CUL4A: variants seen among roughly 807,000 people sequenced by gnomAD.
CUL4A encodes cullin-4A.
A neutral mutation model predicts 95.5 loss-of-function variants in CUL4A; 16 were observed. The observed-to-expected ratio is 0.17, with a 90% CI of 0.11 to 0.25. CUL4A has a LOEUF of 0.25. Ranked by LOEUF, CUL4A falls within the 10% of genes least tolerant of loss-of-function variation. The pLI is 1.00. For synonymous variants in CUL4A, 380 were observed against 353.1 expected, an observed-to-expected ratio of 1.08 and a Z score of -0.85; for missense variants, 610 against 937.0, an observed-to-expected ratio of 0.65 and a Z score of 4.56.
chr13:113,257,428 C>T (rs937350173), intron 18 of CUL4A, among the ~76,000 whole-genome samples: 7 of 152,188 alleles, frequency 4.6e-5, no homozygotes, highest in East Asian at 1.9e-4. Flanking sequence ...AATTGGCTCA[C>T]GGTTCTGCAG....
At chr13:113,238,766 A>G (rs551175868) in intron 9 of CUL4A, among the ~76,000 whole-genome samples, 4 of 152,352 alleles carry the variant, frequency 2.6e-5, no homozygotes, top group Non-Finnish European at 5.9e-5. Flanking sequence ...TTGTGTGAAC[A>G]TCGTGCCCAG....
intron 11 of CUL4A, 93 bp downstream of exon 11, chr13:113,243,253 T>A: frequency 3.3e-6 from 4 of 1,220,626 alleles, no homozygotes; most frequent in Non-Finnish European, 4.6e-6. Context: ...TAAGGCAAAA[T>A]CAACCAAAAT....
At chr13:113,245,299 T>A in intron 14 of CUL4A, 62 bp downstream of exon 14, 1 of 1,431,686 alleles carries the variant, frequency 7.0e-7, no homozygotes, top group Admixed American at 1.7e-5. Context: ...TGGTGGCTCA[T>A]GCCTGTAATC....
chr13:113,228,934 C>T (rs2041207529), intron 4 of CUL4A, among the ~76,000 whole-genome samples: 1 of 151,170 alleles, frequency 6.6e-6, no homozygotes. Flanking sequence ...TCCTGGCTAA[C>T]ACGGTGAAAC....
chr13:113,257,968 C>A (rs371749505), intron 18 of CUL4A, among the ~76,000 whole-genome samples: 12 of 151,986 alleles, frequency 7.9e-5, no homozygotes, highest in African/African-American at 2.9e-4. Flanking sequence ...TTTCTCAATT[C>A]TCTTCTATAA....
chr13:113,259,150 T>C lies in CUL4A; in HGVS notation c.2032-1457T>C, dbSNP rs200716463. Among the ~76,000 whole-genome samples, 5 of 152,244 alleles carry C rather than the reference T, an allele frequency of 3.3e-5. No individual in the cohort carries two copies. In the East Asian group the frequency reaches 9.6e-4, roughly 29 times the overall value. ...TGTTGATTTTCTTGGATTTTCCAGC[T>C]CATCTACAAATAATGATCGTTTTGT... On this transcript the variant is annotated intron_variant, in intron 18 of 19. Transcript: ENST00000375440.
Position 113,254,741 on chromosome 13 carries a change from A to C in CUL4A, c.1801A>C (p.Met601Leu), listed in dbSNP as rs764526695. The C allele has an allele frequency of 4.3e-6, 7 of 1,613,176 alleles. No individual in the cohort carries two copies. The highest frequency in any genetic ancestry group is 5.1e-6 in the Non-Finnish European group (6 of 1,179,830). The change falls in exon 17 of 20, where the codon ATG (methionine) becomes CTG (leucine). Residue 601 changes from methionine (M) to leucine (L), a missense_variant. Physicochemically the swap from Met to Leu is conservative, Grantham distance 15 (BLOSUM62 2). Coordinates refer to ENST00000375440, the MANE Select transcript of CUL4A (RefSeq NM_001008895.4). ...CCTCTTCCAGACACTGGTGCTCCTC[A>C]TGTTCAACGAGGGAGATGGCTTCAG... ...VSLFQTLVLL[M>L]FNEGDGFSFE...
chr13:113,254,686 C>G lies in CUL4A; in HGVS notation c.1753-7C>G. 1 of 1,592,112 alleles carries G rather than the reference C, an allele frequency of 6.3e-7. No individual in the cohort carries two copies. Among genetic ancestry groups the G allele is most frequent in the Non-Finnish European group, 8.6e-7 (1 of 1,164,366 alleles). Reference sequence around the variant, plus strand: ...CTTCAGAGGTGTGATGAGGCCTTCTCTTCCAGGGGAAGAAGGAATTCCAGG... The same window carrying G: ...CTTCAGAGGTGTGATGAGGCCTTCTGTTCCAGGGGAAGAAGGAATTCCAGG... On this transcript the variant is annotated splice_polypyrimidine_tract_variant and splice_region_variant and intron_variant, in intron 16 of 19. Transcript: ENST00000375440.
chr13:113,249,253 T>C (rs2041931720), intron 15 of CUL4A, among the ~76,000 whole-genome samples: 1 of 152,008 alleles, frequency 6.6e-6, no homozygotes, highest in Non-Finnish European at 1.5e-5. Context: ...TGCTGTACCA[T>C]ACATGAGCGC....
In CUL4A at chr13:113,209,760, A is replaced by G; in HGVS notation, c.133A>G (p.Ile45Val). The change falls in exon 1 of 20, where the codon ATC becomes GTC. Residue 45 changes from isoleucine (I) to valine (V), a missense_variant. By Grantham distance (29) the Ile-to-Val change is conservative. Transcript: ENST00000375440. ...CGCGGGCGGCTCCAAGAAGCTGGTC[A>G]TCAAGAACTTCCGAGGTGGGTGCGG... Reference protein sequence around the residue: ...GGAGGSKKLVIKNFRDRPRLP... With the variant: ...GGAGGSKKLVVKNFRDRPRLP... 1 of 1,176,300 alleles carries G rather than the reference A, an allele frequency of 8.5e-7. No individual in the cohort carries two copies. 72.9% of individuals were successfully genotyped at this position (1,176,300 alleles called of 1,614,324 possible).
At chr13:113,258,111 G>A (rs1033522838) in intron 18 of CUL4A, among the ~76,000 whole-genome samples, 3 of 151,822 alleles carry the variant, frequency 2.0e-5, no homozygotes, top group African/African-American at 4.8e-5. Flanking sequence ...GGGCTCAAGC[G>A]ATCCTCCCAC....
chr13:113,210,223 C>G, intron 2 of CUL4A, 135 bp downstream of exon 2: 1 of 541,866 alleles, frequency 1.8e-6, no homozygotes, highest in Non-Finnish European at 3.1e-6. Context: ...ACTGCAGGGC[C>G]GGGAGCCCCA....
At chr13:113,258,860 A>G (rs1410824659) in intron 18 of CUL4A, among the ~76,000 whole-genome samples, 1 of 152,208 alleles carries the variant, frequency 6.6e-6, no homozygotes, top group African/African-American at 2.4e-5. Flanking sequence ...CATCGTTGCC[A>G]AAAGGGGAAG....
intron 4 of CUL4A, among the ~76,000 whole-genome samples, chr13:113,228,432 T>C (rs1595373984): frequency 6.6e-6 from 1 of 152,334 alleles, no homozygotes; most frequent in South Asian, 2.1e-4. Context: ...TATACATTTT[T>C]AGTGTGACCT....
At position 113,249,595 on chromosome 13, in the gene CUL4A, G is replaced by T. The variant is rs187619385; in HGVS notation, c.1639-3487G>T. On this transcript the variant is annotated intron_variant, in intron 15 of 19. Transcript: ENST00000375440. ...TACAAGTTTTAGTTTGAACACCTGC[G>T]GTCACTTATTTTGGGGTATATACCT... Among the ~76,000 whole-genome samples, 6 of 152,162 alleles carry T rather than the reference G, an allele frequency of 3.9e-5. No individual in the cohort carries two copies. The South Asian group carries it at 1.2e-3, about 32-fold the overall frequency.
intron 5 of CUL4A, among the ~76,000 whole-genome samples, chr13:113,231,895 C>T (rs959888194): frequency 6.6e-6 from 1 of 152,084 alleles, no homozygotes; most frequent in African/African-American, 2.4e-5. Context: ...ATTGAGGTGG[C>T]TCCCAGGGCC....
In CUL4A at chr13:113,265,289, G is replaced by C. The variant is rs539199427; in HGVS notation, c.*1707G>C. ...GTTTCATTTGAGCACAGTGGCTCAC[G>C]CCTGTAGTCCCAGCTATGGGAGGGC... is the stretch of plus-strand genomic sequence containing the variant. On this transcript the variant is annotated 3_prime_UTR_variant, in exon 20 of 20. Coordinates refer to ENST00000375440, the MANE Select transcript of CUL4A (RefSeq NM_001008895.4). The C allele has an allele frequency of 3.9e-5, 6 of 152,272 alleles. No homozygotes were observed. The highest frequency in any genetic ancestry group is 1.4e-4 in the African/African-American group (6 of 41,456). 9.4% of individuals were successfully genotyped at this position (152,272 alleles called of 1,614,324 possible).
At chr13:113,228,776 G>A (rs560102580) in intron 4 of CUL4A, among the ~76,000 whole-genome samples, 1 of 152,110 alleles carries the variant, frequency 6.6e-6, no homozygotes, top group East Asian at 1.9e-4. Context: ...GGTTTTAAAA[G>A]CTAAGTGCAT....
intron 7 of CUL4A, among the ~76,000 whole-genome samples, chr13:113,234,612 G>T (rs944188800): frequency 2.6e-5 from 4 of 152,216 alleles, no homozygotes; most frequent in Non-Finnish European, 2.9e-5. Context: ...GGAAACATGG[G>T]CGTACTTTGA....
Sources: allele counts gnomAD v4.1 joint callset (sites outside exome capture counted in the v4.1 genomes callset), GRCh38; gene constraint gnomAD v4.1.1; transcripts MANE v1.5; gene names NCBI Gene and HGNC (gene_info 2026-07-23, HGNC 2026-07-21).